Variants in PPP1R9B observed in about 807,000 individuals in gnomAD.
PPP1R9B encodes the protein neurabin-2.
A neutral mutation model predicts 75.8 loss-of-function variants in PPP1R9B; 17 were observed. The ratio of observed to expected loss-of-function variants is 0.22; its 90% CI spans 0.15 to 0.34. The LOEUF is 0.34. Among genes scored for constraint, PPP1R9B ranks in the 10% least tolerant of loss-of-function variants. The probability of loss-of-function intolerance (pLI) is 1.00; values close to 1 mark genes in which losing one functional copy is unlikely to be tolerated. For synonymous variants in PPP1R9B, 509 were observed against 535.4 expected (o/e 0.95, Z 0.68); for missense variants, 875 against 1,196.0 (o/e 0.73, Z 3.96).
At chr17:50,136,249 G>C (rs566316829) in intron 7 of PPP1R9B, 52 bp from the exon 8 acceptor site, 1 of 1,504,786 alleles carries the variant, frequency 6.6e-7, no homozygotes, top group East Asian at 2.3e-5. Context: ...AGGAGCCAAA[G>C]GGTACCCCCA....
rs1218947148 is a variant in PPP1R9B, at chr17:50,149,106, G to A, written c.1371+37C>T. ...CGGGGGCGGCCGCGTGCACGTGGCA[G>A]GGGCGGCGCGGGGGCAGGGCGGGGG... is the stretch of plus-strand genomic sequence containing the variant. On this transcript the variant is annotated intron_variant, in intron 1 of 9. Coordinates refer to ENST00000612501, the MANE Select transcript of PPP1R9B (RefSeq NM_032595.5). This position sits in a 1 kb window ranked among gnomAD's most constrained non-coding sequence, Gnocchi z 7.2. 2.2e-6 allele frequency: 3 copies of A among 1,368,918 alleles called. No homozygotes were observed. In the South Asian group the frequency reaches 4.8e-5, roughly 22 times the overall value. 84.8% of individuals were successfully genotyped at this position (1,368,918 alleles called of 1,614,324 possible).
intron 7 of PPP1R9B, among the ~76,000 whole-genome samples, chr17:50,136,585 G>A (rs1912236198): frequency 1.3e-5 from 2 of 151,952 alleles, no homozygotes; most frequent in South Asian, 4.2e-4. Flanking sequence ...GAAGTAAAAG[G>A]GCAGATGAGG....
chr17:50,138,465 A>G (rs1912286367), intron 7 of PPP1R9B, among the ~76,000 whole-genome samples: 2 of 148,444 alleles, frequency 1.3e-5, no homozygotes, highest in South Asian at 2.2e-4. Flanking sequence ...TGTGGGTACT[A>G]TGTGCCTGGG....
chr17:50,149,579 T>A lies in PPP1R9B; in HGVS notation c.935A>T (p.Glu312Val), dbSNP rs773092546. 1 of 1,577,232 alleles carries A rather than the reference T, an allele frequency of 6.3e-7. No homozygotes were observed. The highest frequency in any genetic ancestry group is 8.6e-7 in the Non-Finnish European group (1 of 1,165,652). The change falls in exon 1 of 10, where the codon GAG becomes GTG. Residue 312 changes from glutamate (E) to valine (V), a missense_variant. Around this residue, in one of 4 missense-constraint regions of PPP1R9B, gnomAD observed 449 missense variants for 475.0 expected, o/e 0.95. Transcript: ENST00000612501. This position sits in a 1 kb window ranked among gnomAD's most constrained non-coding sequence, Gnocchi z 7.2. Reference protein sequence around the residue: ...EVEESGESEAESAPGEVIQAE... With the variant: ...EVEESGESEAVSAPGEVIQAE... ...CTGGATCACCTCCCCGGGCGCCGAC[T>A]CGGCCTCCGACTCCCCGCTCTCCTC... is the stretch of plus-strand genomic sequence containing the variant.
In PPP1R9B at chr17:50,149,674, C is replaced by T. The variant is rs1250986763; in HGVS notation, c.840G>A (p.Gln280=). ...ERCPAGQQPP[Q]HRVAPARPPP... ...GCGGCCGGGCAGGGGCCACTCGGTGCTGCGGGGGCTGCTGCCCTGCGGGGC... is the reference window on the plus strand; with the variant it reads ...GCGGCCGGGCAGGGGCCACTCGGTGTTGCGGGGGCTGCTGCCCTGCGGGGC... Residue 280 remains glutamine (Q), a synonymous_variant, in exon 1 of 10, where the codon CAG becomes CAA. Transcript: ENST00000612501. The surrounding 1 kb of genome is among the most constrained non-coding windows in gnomAD (Gnocchi z 7.2). 9 of 1,476,402 alleles carry T rather than the reference C, an allele frequency of 6.1e-6. No individual in the cohort carries two copies. Among genetic ancestry groups the T allele is most frequent in the Non-Finnish European group, 7.2e-6 (8 of 1,118,458 alleles). 91.5% of individuals were successfully genotyped at this position (1,476,402 alleles called of 1,614,324 possible). A position where few individuals can be genotyped will look rare whatever the true frequency, so the allele number is the denominator to read the frequency against.
In PPP1R9B at chr17:50,150,476, AG is replaced by A; in HGVS notation, c.37del (p.Leu13SerfsTer18). 7.3e-7 allele frequency: 1 copy of A among 1,373,322 alleles called. No homozygotes were observed. Among genetic ancestry groups the A allele is most frequent in the Non-Finnish European group, 9.5e-7 (1 of 1,058,070 alleles). 85.1% of individuals were successfully genotyped at this position (1,373,322 alleles called of 1,614,324 possible). A position where few individuals can be genotyped will look rare whatever the true frequency, so the allele number is the denominator to read the frequency against. On this transcript the variant is annotated frameshift_variant, in exon 1 of 10. Coordinates refer to ENST00000612501, the MANE Select transcript of PPP1R9B (RefSeq NM_032595.5). LOFTEE classifies it high-confidence loss of function. The surrounding 1 kb of genome is among the most constrained non-coding windows in gnomAD (Gnocchi z 8.7). ...GCTGCGGTGCGGGGAGGCGCTCCGG[AG>A]GGGACCCCCGGGCCCCCGTGGCTCC... The part of the protein sequence containing the change: ...KTEPRGPGGP[L>X]RSASPHRSAY...
At position 50,149,426 on chromosome 17, in the gene PPP1R9B, T is replaced by C. The variant is rs1598251272; in HGVS notation, c.1088A>G (p.Glu363Gly). The C allele has an allele frequency of 6.2e-7, 1 of 1,609,006 alleles. No individual in the cohort carries two copies. Among genetic ancestry groups the C allele is most frequent in the East Asian group, 2.2e-5 (1 of 44,760 alleles). ...GGCCCGGCCATTGCCCACCCCCCTC[T>C]CTGGCGGCGCTACCGCCGCCGCCTC... Reference protein sequence around the residue: ...EKEAAAVAPPERGVGNGRAPD... With the variant: ...EKEAAAVAPPGRGVGNGRAPD... Residue 363 changes from glutamate (E) to glycine (G), a missense_variant, in exon 1 of 10, where the codon GAG (glutamate) becomes GGG (glycine). Physicochemically the swap from Glu to Gly is moderately conservative, Grantham distance 98 (BLOSUM62 -2). Transcript: ENST00000612501. The surrounding 1 kb of genome is among the most constrained non-coding windows in gnomAD (Gnocchi z 7.2).
chr17:50,149,079 A>AT lies in PPP1R9B; in HGVS notation c.1371+63_1371+64insA. The AT allele has an allele frequency of 1.2e-6, 1 of 809,514 alleles. No homozygotes were observed. Among genetic ancestry groups the AT allele is most frequent in the South Asian group, 2.3e-5 (1 of 42,944 alleles). 50.1% of individuals were successfully genotyped at this position (809,514 alleles called of 1,614,324 possible). ...GCCAAACCCGGCTGGCTGGCTGGCG[A>AT]GCGGGGGCGGCCGCGTGCACGTGGC... On this transcript the variant is annotated intron_variant, in intron 1 of 9. Coordinates refer to ENST00000612501, the MANE Select transcript of PPP1R9B (RefSeq NM_032595.5). The surrounding 1 kb of genome is among the most constrained non-coding windows in gnomAD (Gnocchi z 7.2).
intron 7 of PPP1R9B, among the ~76,000 whole-genome samples, chr17:50,138,329 A>G (rs1374515482): frequency 1.3e-5 from 2 of 152,208 alleles, no homozygotes; most frequent in East Asian, 3.9e-4. Context: ...TTCAGAGCAG[A>G]TGGGTGCAGA....
chr17:50,138,189 T>C (rs1485451713), intron 7 of PPP1R9B, among the ~76,000 whole-genome samples: 5 of 128,830 alleles, frequency 3.9e-5, no homozygotes, highest in African/African-American at 1.6e-4. Flanking sequence ...TGTGTGTGTG[T>C]GTGTGTGCCA....
chr17:50,149,156 G>A lies in PPP1R9B; in HGVS notation c.1358C>T (p.Thr453Met), dbSNP rs1180544842. The A allele has an allele frequency of 5.3e-6, 8 of 1,506,876 alleles. No individual in the cohort carries two copies. Among genetic ancestry groups the A allele is most frequent in the Non-Finnish European group, 7.1e-6 (8 of 1,125,216 alleles). 93.3% of individuals were successfully genotyped at this position (1,506,876 alleles called of 1,614,324 possible). A position where few individuals can be genotyped will look rare whatever the true frequency, so the allele number is the denominator to read the frequency against. The stretch of plus-strand genomic sequence containing the variant: ...GGGCTCACTTACTTGGATGGGCGCC[G>A]TGCTGAAATGGATCTTCCGGCTCGG... ...PAPSRKIHFS[T>M]APIQVFSTYS... Residue 453 changes from threonine to methionine, a missense_variant, in exon 1 of 10, where the codon ACG becomes ATG. Transcript: ENST00000612501. The surrounding 1 kb of genome is among the most constrained non-coding windows in gnomAD (Gnocchi z 7.2).
chr17:50,136,048 C>G lies in PPP1R9B; in HGVS notation c.2223G>C (p.Leu741=), dbSNP rs1227555771. The G allele has an allele frequency of 6.2e-7, 1 of 1,611,954 alleles. No homozygotes were observed. Among genetic ancestry groups the G allele is most frequent in the Non-Finnish European group, 8.5e-7 (1 of 1,179,300 alleles). ...CCTGGTACTGCGCCTGAGTCTCCCG[C>G]AGGTGCTCGTCCACAGCCTGGCACA... The part of the protein sequence containing the change: ...QSLCQAVDEH[L]RETQAQYQAL... Residue 741 remains leucine (L), a synonymous_variant, in exon 8 of 10, where the codon CTG becomes CTC. Transcript: ENST00000612501.
chr17:50,142,529 G>A lies in PPP1R9B; in HGVS notation c.1625+1069C>T, dbSNP rs1912413118. ...CAACAGGTAGAAGCCCCTTGACAGG[G>A]CAGCCCCATCTCTAGAAACAAGATC... On this transcript the variant is annotated intron_variant, in intron 3 of 9. Coordinates refer to ENST00000612501, the MANE Select transcript of PPP1R9B (RefSeq NM_032595.5). The surrounding 1 kb of genome is among the most constrained non-coding windows in gnomAD (Gnocchi z 4.1). Among the ~76,000 whole-genome samples the A allele has an allele frequency of 6.6e-6, 1 of 152,160 alleles. No homozygotes were observed. The highest frequency in any genetic ancestry group is 2.4e-5 in the African/African-American group (1 of 41,406).
At chr17:50,138,154 G>A (rs1020786349) in intron 7 of PPP1R9B, among the ~76,000 whole-genome samples, 3 of 8,426 alleles carry the variant, frequency 3.6e-4, no homozygotes, top group African/African-American at 1.3e-3. Flanking sequence ...TGTATACTAC[G>A]TGTGTGTGTG....
In PPP1R9B at chr17:50,139,250, T is replaced by C; in HGVS notation, c.2073+13A>G. The C allele has an allele frequency of 6.2e-7, 1 of 1,614,048 alleles. No homozygotes were observed. Among genetic ancestry groups the C allele is most frequent in the South Asian group, 1.1e-5 (1 of 91,090 alleles). ...ATGCACGCACGCAAAAGCACACACA[T>C]ACGCACCCTTACCTTTCTTTTCAGC... On this transcript the variant is annotated intron_variant, in intron 7 of 9. Transcript: ENST00000612501. This position sits in a 1 kb window ranked among gnomAD's most constrained non-coding sequence, Gnocchi z 5.0.
At chr17:50,140,852 G>A (rs1169453015) in intron 4 of PPP1R9B, among the ~76,000 whole-genome samples, 1 of 152,168 alleles carries the variant, frequency 6.6e-6, no homozygotes, top group African/African-American at 2.4e-5. Context: ...CTTGGTTACA[G>A]GCCTGGGGCG....
At chr17:50,135,887 G>C (rs568653319) in intron 8 of PPP1R9B, 81 bp downstream of exon 8, 4 of 1,158,814 alleles carry the variant, frequency 3.5e-6, no homozygotes, top group South Asian at 3.0e-5. Flanking sequence ...TCCCTACTCA[G>C]CTGGAGGGAT....
In PPP1R9B at chr17:50,140,169, T is replaced by C; in HGVS notation, c.1790A>G (p.Gln597Arg). The C allele has an allele frequency of 6.2e-7, 1 of 1,612,086 alleles. No individual in the cohort carries two copies. The highest frequency in any genetic ancestry group is 8.5e-7 in the Non-Finnish European group (1 of 1,179,156). Reference sequence around the variant, plus strand: ...CTGCCATCGCTCCTGTTCCAAAGTCTGCTGAATTAGCTGGGCCACTTCGCT... The same window carrying C: ...CTGCCATCGCTCCTGTTCCAAAGTCCGCTGAATTAGCTGGGCCACTTCGCT... Reference protein sequence around the residue: ...EQSEVAQLIQQTLEQERWQRE... With the variant: ...EQSEVAQLIQRTLEQERWQRE... Residue 597 changes from glutamine to arginine, a missense_variant, in exon 5 of 10, where the codon CAG becomes CGG. This residue lies in a region of PPP1R9B where 218 missense variants were observed against 334.6 expected (regional missense o/e 0.65). Coordinates refer to ENST00000612501, the MANE Select transcript of PPP1R9B (RefSeq NM_032595.5).
In PPP1R9B at chr17:50,145,228, G is replaced by A. The variant is rs762038906; in HGVS notation, c.1389C>T (p.Ser463=). The change falls in exon 2 of 10, where the codon TCC becomes TCT. Residue 463 remains serine, a synonymous_variant. Transcript: ENST00000612501. ...TAPIQVFSTY[S]NEDYDRRNED... The stretch of plus-strand genomic sequence containing the variant: ...CGTTGCGACGATCGTAATCCTCGTT[G>A]GAGTAAGTGCTGAACACCTGGGGAG... 4 of 1,613,726 alleles carry A rather than the reference G, an allele frequency of 2.5e-6. No individual in the cohort carries two copies. The highest frequency in any genetic ancestry group is 1.3e-5 in the African/African-American group (1 of 74,936).
Sources: allele counts gnomAD v4.1 joint callset (sites outside exome capture counted in the v4.1 genomes callset), GRCh38; gene constraint gnomAD v4.1.1; regional missense constraint gnomAD v4.1.1; non-coding constraint Gnocchi (gnomAD v3.1); transcripts MANE v1.5; gene names NCBI Gene and HGNC (gene_info 2026-07-23, HGNC 2026-07-21).